Variants in AKAP7 observed in about 807,000 individuals in gnomAD.
AKAP7 encodes the protein A-kinase anchoring protein 7.
A neutral mutation model predicts 39.5 loss-of-function variants in AKAP7; 39 were observed. The observed-to-expected ratio is 0.99, with a 90% CI of 0.76 to 1.29. The LOEUF (loss-of-function observed/expected upper bound fraction) is 1.29, where lower values mean the gene tolerates loss of function less well. Ranked by LOEUF, AKAP7 falls within the 50% of genes most tolerant of loss-of-function variation. The probability of loss-of-function intolerance (pLI) is 0.00; values close to 1 mark genes in which losing one functional copy is unlikely to be tolerated. For missense variants in AKAP7, 414 were observed against 407.7 expected, an observed-to-expected ratio of 1.02 and a Z score of -0.13; for synonymous variants, 140 against 139.1, an observed-to-expected ratio of 1.01 and a Z score of -0.05.
intron 4 of AKAP7, 90 bp from the exon 5 acceptor site, chr6:131,169,023 A>G (rs1562178289): frequency 2.6e-6 from 3 of 1,154,626 alleles, no homozygotes; most frequent in African/African-American, 3.2e-5. Context: ...ATCAAAATTC[A>G]TCTTTCTAAA....
intron 6 of AKAP7, among the ~76,000 whole-genome samples, chr6:131,202,588 C>T (rs1311252465): frequency 7.3e-6 from 1 of 136,940 alleles, no homozygotes. Context: ...GGAAGGGGAA[C>T]ATCACACGCT....
chr6:131,232,031 C>A (rs928250594), intron 7 of AKAP7, among the ~76,000 whole-genome samples: 1 of 152,164 alleles, frequency 6.6e-6, no homozygotes, highest in Admixed American at 6.5e-5. Flanking sequence ...AGTGATGGCT[C>A]ACTGTATTTT....
chr6:131,228,462 A>G (rs1246382939), intron 7 of AKAP7, among the ~76,000 whole-genome samples: 2 of 152,240 alleles, frequency 1.3e-5, no homozygotes, highest in Middle Eastern at 3.4e-3. Flanking sequence ...TATCTTACAC[A>G]TGATTTAGTA....
At chr6:131,191,066 G>A (rs143369123) in intron 5 of AKAP7, among the ~76,000 whole-genome samples, 181 of 152,264 alleles carry the variant, frequency 1.2e-3, no homozygotes, top group African/African-American at 4.2e-3. Flanking sequence ...TGATACAAAC[G>A]TGTTGCTAAA....
chr6:131,212,157 A>T (rs962885166), intron 6 of AKAP7, among the ~76,000 whole-genome samples: 4 of 150,720 alleles, frequency 2.7e-5, no homozygotes, highest in Admixed American at 2.6e-4. Context: ...TTGAAATATC[A>T]TATGTTGAAT....
intron 4 of AKAP7, among the ~76,000 whole-genome samples, chr6:131,166,840 A>G (rs1803547747): frequency 6.6e-6 from 1 of 152,174 alleles, no homozygotes; most frequent in East Asian, 1.9e-4. Context: ...TTAGACATCT[A>G]GATTGTCCAT....
At position 131,281,867 on chromosome 6, in the gene AKAP7, C is replaced by T. The variant is rs1003131696; in HGVS notation, c.*141C>T. On this transcript the variant is annotated 3_prime_UTR_variant, in exon 8 of 8. Transcript: ENST00000431975. This position sits in a 1 kb window ranked among gnomAD's most constrained non-coding sequence, Gnocchi z 4.0. ...AAGATTGCCTAATACTTTTCATGAT[C>T]GATGTGTTCGCATTGCTGAAACACA... 7.0e-6 allele frequency: 9 copies of T among 1,277,478 alleles called. No individual in the cohort carries two copies. The East Asian group carries it at 1.2e-4, about 18-fold the overall frequency. The allele number at this position is 1,277,478 out of a possible 1,614,324, so 79.1% of individuals were successfully genotyped here.
chr6:131,202,711 TA>T (rs1807706974), intron 6 of AKAP7, among the ~76,000 whole-genome samples: 1 of 151,910 alleles, frequency 6.6e-6, no homozygotes, highest in Non-Finnish European at 1.5e-5. Context: ...TATACATATG[TA>T]ACTAACCTGC....
intron 7 of AKAP7, among the ~76,000 whole-genome samples, chr6:131,262,881 G>T (rs922175185): frequency 2.0e-5 from 3 of 152,238 alleles, no homozygotes; most frequent in African/African-American, 7.2e-5. Flanking sequence ...GATATAGGGA[G>T]ATAGCAAATT....
chr6:131,206,968 G>A (rs1808165517), intron 6 of AKAP7, among the ~76,000 whole-genome samples: 1 of 152,134 alleles, frequency 6.6e-6, no homozygotes, highest in African/African-American at 2.4e-5. Flanking sequence ...GTAATTTAAA[G>A]GAGCATGAGC....
chr6:131,242,502 T>TTA (rs780446384), intron 7 of AKAP7, among the ~76,000 whole-genome samples: 126 of 149,410 alleles, frequency 8.4e-4, no homozygotes, highest in East Asian at 2.9e-3. Context: ...ATATATATAA[T>TTA]TATATATATA....
intron 5 of AKAP7, among the ~76,000 whole-genome samples, chr6:131,193,176 T>C (rs1001527705): frequency 6.6e-6 from 1 of 152,170 alleles, no homozygotes; most frequent in Non-Finnish European, 1.5e-5. Context: ...AGGAAAGGCT[T>C]TCAGTTTTTC....
intron 2 of AKAP7, among the ~76,000 whole-genome samples, chr6:131,155,264 T>C (rs1802320293): frequency 6.6e-6 from 1 of 152,222 alleles, no homozygotes; most frequent in Non-Finnish European, 1.5e-5. Flanking sequence ...TCCTCCCACC[T>C]AGGTCTCACA....
At chr6:131,255,422 A>C (rs536090494) in intron 7 of AKAP7, among the ~76,000 whole-genome samples, 1 of 152,318 alleles carries the variant, frequency 6.6e-6, no homozygotes, top group South Asian at 2.1e-4. Flanking sequence ...CCAGAGAAAC[A>C]TTTTAACAGG....
intron 5 of AKAP7, chr6:131,184,291 C>G: frequency 1.8e-6 from 1 of 558,974 alleles, no homozygotes. Context: ...GAGAAACAGC[C>G]TTAGATATGT....
chr6:131,186,712 C>G (rs1363263973), intron 5 of AKAP7, among the ~76,000 whole-genome samples: 1 of 152,144 alleles, frequency 6.6e-6, no homozygotes, highest in Non-Finnish European at 1.5e-5. Context: ...ACACTGTATC[C>G]TCACATGGTG....
intron 7 of AKAP7, among the ~76,000 whole-genome samples, chr6:131,245,415 TTTTTTTTTG>T (rs1011258846): frequency 5.9e-5 from 9 of 151,346 alleles, no homozygotes; most frequent in Admixed American, 3.3e-4. Context: ...CAGCTACGTT[TTTTTTTTTG>T]TTTTTTTGTT....
rs141586832 is a variant in AKAP7, at chr6:131,165,129, G to A, written c.340G>A (p.Glu114Lys). 35 of 1,611,746 alleles carry A rather than the reference G, an allele frequency of 2.2e-5. No individual in the cohort carries two copies. Among genetic ancestry groups the A allele is most frequent in the Non-Finnish European group, 2.7e-5 (32 of 1,178,458 alleles). ...ILQNAIIQQDERLAKAMVSDG... is the reference protein window; with the variant it reads ...ILQNAIIQQDKRLAKAMVSDG... ...GCAGAATGCAATAATACAACAAGATGAGCGACTGGCCAAAGCAATGGTCAG... is the reference window on the plus strand; with the variant it reads ...GCAGAATGCAATAATACAACAAGATAAGCGACTGGCCAAAGCAATGGTCAG... Residue 114 changes from glutamate to lysine, a missense_variant, in exon 4 of 8, where the codon GAG (glutamate) becomes AAG (lysine). Physicochemically the swap from Glu to Lys is moderately conservative, Grantham distance 56. Coordinates refer to ENST00000431975, the MANE Select transcript of AKAP7 (RefSeq NM_016377.4).
chr6:131,150,340 A>T (rs552246641), intron 2 of AKAP7, among the ~76,000 whole-genome samples: 1 of 152,320 alleles, frequency 6.6e-6, no homozygotes, highest in South Asian at 2.1e-4. Context: ...AAATACTTAG[A>T]TTTTAAACAT....
Sources: gnomAD v4.1 joint callset for allele counts (sites outside exome capture counted in the v4.1 genomes callset) on GRCh38, gnomAD v4.1.1 for gene constraint, Gnocchi (gnomAD v3.1) non-coding constraint, MANE v1.5 for transcripts, NCBI Gene and HGNC (gene_info 2026-07-23, HGNC 2026-07-21) for gene names.